FOXRED2: variants seen among roughly 807,000 people sequenced by gnomAD.
FOXRED2 encodes the protein FAD-dependent oxidoreductase domain-containing protein 2.
FOXRED2 carries 32 observed loss-of-function variants against 52.5 expected under a neutral mutation model. That is an observed-to-expected ratio of 0.61 (90% CI 0.46 to 0.82). FOXRED2 has a LOEUF of 0.82. FOXRED2 is among the 40% of genes least tolerant of loss of function. FOXRED2 has a pLI of 0.00. For synonymous variants in FOXRED2, 405 were observed against 398.1 expected, an observed-to-expected ratio of 1.02 and a Z score of -0.21; for missense variants, 848 against 937.5, an observed-to-expected ratio of 0.90 and a Z score of 1.25.
chr22:36,498,216 G>C, intron 5 of FOXRED2, 60 bp from the exon 6 acceptor site: 5 of 1,554,416 alleles, frequency 3.2e-6, no homozygotes, highest in Non-Finnish European at 3.5e-6. Context: ...CTGGTCACTG[G>C]GAGGGATGCC....
At position 36,496,014 on chromosome 22, in the gene FOXRED2, G is replaced by A; in HGVS notation, c.1577C>T (p.Ser526Phe). Reference protein sequence around the residue: ...SVGHTEDAWQSNFLHPVIYYY... With the variant: ...SVGHTEDAWQFNFLHPVIYYY... ...GTAGATGACAGGATGAAGAAAGTTA[G>A]ACTGCCAGGCATCTTCTGTGTGCCC... The change falls in exon 7 of 9, where the codon TCT becomes TTT. Residue 526 changes from serine (S) to phenylalanine (F), a missense_variant. Coordinates refer to ENST00000397224, the MANE Select transcript of FOXRED2 (RefSeq NM_001102371.2). 6.2e-7 allele frequency: 1 copy of A among 1,614,234 alleles called. No homozygotes were observed. The highest frequency in any genetic ancestry group is 1.3e-5 in the African/African-American group (1 of 75,062).
chr22:36,499,498 C>T (rs1042018645), intron 5 of FOXRED2, among the ~76,000 whole-genome samples: 11 of 151,942 alleles, frequency 7.2e-5, no homozygotes, highest in African/African-American at 2.2e-4. Flanking sequence ...TGGTGGTGCA[C>T]GCCTGAAGTC....
rs951372602 is a variant in FOXRED2 at position 36,506,654 on chromosome 22, A to G, written c.-1-231T>C. On this transcript the variant is annotated intron_variant, in intron 1 of 8. Transcript: ENST00000397224. ...TATCTCCCTCAGGGTCTCCTTCCTC[A>G]GGGGCACCGGCTCCCCGCTTATGAT... The G allele has an allele frequency of 1.3e-3, 597 of 453,182 alleles. 7 individuals carry two copies. The highest frequency in any genetic ancestry group is 5.4e-4 in the Admixed American group (14 of 26,010). 28.1% of individuals were successfully genotyped at this position (453,182 alleles called of 1,614,324 possible).
chr22:36,490,353 G>C, intron 8 of FOXRED2, 86 bp from the exon 9 acceptor site: 1 of 1,439,754 alleles, frequency 6.9e-7, no homozygotes, highest in Non-Finnish European at 9.4e-7. Context: ...TGCCAGGTGT[G>C]GGGGCTTCAC....
At chr22:36,495,894 G>C in intron 7 of FOXRED2, 73 bp downstream of exon 7, 1 of 1,542,712 alleles carries the variant, frequency 6.5e-7, no homozygotes, top group Non-Finnish European at 8.9e-7. Flanking sequence ...GAAGGTTTCA[G>C]GGTGGGTGAC....
At chr22:36,492,462 T>C (rs1933780872) in intron 8 of FOXRED2, among the ~76,000 whole-genome samples, 1 of 152,152 alleles carries the variant, frequency 6.6e-6, no homozygotes, top group Non-Finnish European at 1.5e-5. Flanking sequence ...AATGCATTGG[T>C]GGGACCCACA....
chr22:36,494,881 C>A (rs542985470), intron 7 of FOXRED2, among the ~76,000 whole-genome samples: 2 of 152,226 alleles, frequency 1.3e-5, no homozygotes, highest in South Asian at 4.1e-4. Flanking sequence ...TCGTGATCCG[C>A]CCGCCTCGGC....
intron 4 of FOXRED2, 106 bp from the exon 5 acceptor site, chr22:36,501,513 T>C: frequency 9.0e-7 from 1 of 1,114,050 alleles, no homozygotes. Context: ...CAGGTTAGAG[T>C]ACAATGGCGT....
At position 36,506,201 on chromosome 22, in the gene FOXRED2, C is replaced by G. The variant is rs780580706; in HGVS notation, c.222G>C (p.Arg74=). 5 of 1,614,154 alleles carry G rather than the reference C, an allele frequency of 3.1e-6. No individual in the cohort carries two copies. The highest frequency in any genetic ancestry group is 3.4e-6 in the Non-Finnish European group (4 of 1,180,006). Residue 74 remains arginine, a synonymous_variant, in exon 2 of 9, where the codon CGG becomes CGC. Coordinates refer to ENST00000397224, the MANE Select transcript of FOXRED2 (RefSeq NM_001102371.2). ...RPGSFFTRYP[R]HRKLISINKR... is the part of the protein sequence containing the mutation. ...TGTTGATGCTGATGAGCTTGCGGTG[C>G]CGCGGGTAGCGTGTGAAGAAGCTGC... is the stretch of plus-strand genomic sequence containing the variant.
chr22:36,490,131 A>G lies in FOXRED2; in HGVS notation c.1932T>C (p.Tyr644=), dbSNP rs73409777. 7,501 of 1,613,986 alleles carry G rather than the reference A, an allele frequency of 4.6e-3. 322 individuals carry two copies. In the African/African-American group the frequency reaches 0.091, roughly 19 times the overall value. Residue 644 remains tyrosine, a synonymous_variant, in exon 9 of 9, where the codon TAT becomes TAC. Coordinates refer to ENST00000397224, the MANE Select transcript of FOXRED2 (RefSeq NM_001102371.2). The stretch of plus-strand genomic sequence containing the variant: ...CCTCCAGGCGCCTGCCTGTGGGGGC[A>G]TAGTCCCGCAGGAGCCTGCTCTCCA... ...HRVESRLLRD[Y]APTGRRLEDS...
At chr22:36,490,333 G>T in intron 8 of FOXRED2, 66 bp from the exon 9 acceptor site, 2 of 1,504,984 alleles carry the variant, frequency 1.3e-6, no homozygotes, top group Middle Eastern at 1.8e-4. Flanking sequence ...GCAGAAAGGG[G>T]AGCTGCCAAT....
Position 36,488,344 on chromosome 22 carries a change from C to T in FOXRED2, c.*1664G>A, listed in dbSNP as rs142834149. 3,413 of 151,926 alleles carry T rather than the reference C, an allele frequency of 0.022. 58 individuals carry two copies. Among genetic ancestry groups the T allele is most frequent in the Non-Finnish European group, 0.035 (2,389 of 68,034 alleles). The allele number at this position is 151,926 out of a possible 1,614,324, so 9.4% of individuals were successfully genotyped here. Reference sequence around the variant, plus strand: ...CTCGGTCTCTGCTCACTGCAACCTCCACCTCCCAGGTTCAAGCAATTCTCC... The same window carrying T: ...CTCGGTCTCTGCTCACTGCAACCTCTACCTCCCAGGTTCAAGCAATTCTCC... On this transcript the variant is annotated 3_prime_UTR_variant, in exon 9 of 9. Transcript: ENST00000397224.
At chr22:36,498,402 G>A (rs1296477738) in intron 5 of FOXRED2, 3 of 494,740 alleles carry the variant, frequency 6.1e-6, no homozygotes, top group East Asian at 6.5e-5. Context: ...GGTCATACAC[G>A]ACTCAGTGAT....
At chr22:36,491,660 C>G (rs1385427580) in intron 8 of FOXRED2, among the ~76,000 whole-genome samples, 1 of 152,172 alleles carries the variant, frequency 6.6e-6, no homozygotes, top group Non-Finnish European at 1.5e-5. Context: ...CTTTCTCGGC[C>G]TCCCAAAGTG....
chr22:36,491,870 G>A (rs921262525), intron 8 of FOXRED2, among the ~76,000 whole-genome samples: 1 of 152,136 alleles, frequency 6.6e-6, no homozygotes, highest in African/African-American at 2.4e-5. Flanking sequence ...ACAAACAGAA[G>A]AGCTGACACA....
chr22:36,498,187 T>C (rs1318134885), intron 5 of FOXRED2, 31 bp from the exon 6 acceptor site: 1 of 1,590,062 alleles, frequency 6.3e-7, no homozygotes, highest in East Asian at 2.2e-5. Context: ...AACGGCACGC[T>C]GCACTTACCA....
At position 36,490,029 on chromosome 22, in the gene FOXRED2, A is replaced by G. The variant is rs777004189; in HGVS notation, c.2034T>C (p.Asp678=). Residue 678 remains aspartate, a synonymous_variant, in exon 9 of 9, where the codon GAT becomes GAC. Coordinates refer to ENST00000397224, the MANE Select transcript of FOXRED2 (RefSeq NM_001102371.2). ...LAPGPLAQSV[D]SNKEEL ...ACAGTCAGAGCTCCTCTTTGTTGCT[A>G]TCGACGGACTGAGCCAGAGGCCCTG... 4 of 1,597,180 alleles carry G rather than the reference A, an allele frequency of 2.5e-6. No individual in the cohort carries two copies. The African/African-American group carries it at 4.0e-5, about 16-fold the overall frequency.
At position 36,498,176 on chromosome 22, in the gene FOXRED2, G is replaced by C. The variant is rs768694241; in HGVS notation, c.1217-20C>G. The C allele has an allele frequency of 3.1e-6, 5 of 1,603,206 alleles. No homozygotes were observed. The highest frequency in any genetic ancestry group is 4.2e-6 in the Non-Finnish European group (5 of 1,176,980). On this transcript the variant is annotated intron_variant, in intron 5 of 8. Transcript: ENST00000397224. Reference sequence around the variant, plus strand: ...CACGCACTGGAACAGCCAGAGGGAGGAACGGCACGCTGCACTTACCATTTT... The same window carrying C: ...CACGCACTGGAACAGCCAGAGGGAGCAACGGCACGCTGCACTTACCATTTT...
chr22:36,504,178 A>C lies in FOXRED2; in HGVS notation c.969T>G (p.Asn323Lys). The change falls in exon 4 of 9, where the codon AAT becomes AAG. Residue 323 changes from asparagine to lysine, a missense_variant. Asn to Lys is a moderately conservative substitution (Grantham distance 94). Transcript: ENST00000397224. ...ADSITLPQDD[N>K]DNFAMRVPYD... ...AGGGCACGCGCATGGCAAAGTTGTC[A>C]TTGTCGTCCTGGGGGAGGGTGATGG... is the stretch of plus-strand genomic sequence containing the variant. 6.2e-7 allele frequency: 1 copy of C among 1,614,204 alleles called. No individual in the cohort carries two copies. Among genetic ancestry groups the C allele is most frequent in the Non-Finnish European group, 8.5e-7 (1 of 1,180,034 alleles).
Sources: gnomAD v4.1 joint callset for allele counts (sites outside exome capture counted in the v4.1 genomes callset) on GRCh38, gnomAD v4.1.1 for gene constraint, MANE v1.5 for transcripts, NCBI Gene and HGNC (gene_info 2026-07-23, HGNC 2026-07-21) for gene names.